Variants in AGL observed in about 807,000 individuals in gnomAD.
AGL encodes the protein amylo-alpha-1,6-glucosidase and 4-alpha-glucanotransferase, also known as glycogen debranching enzyme.
In AGL, 128 loss-of-function variants were observed where a neutral mutation model predicts 199.3. The ratio of observed to expected loss-of-function variants is 0.64; its 90% CI spans 0.56 to 0.74. The LOEUF is 0.74. Ranked by LOEUF, AGL falls within the 30% of genes least tolerant of loss-of-function variation. AGL has a pLI of 0.00. For missense variants in AGL, 1,809 were observed against 1,820.8 expected (o/e 0.99, Z 0.12); for synonymous variants, 584 against 594.7 (o/e 0.98, Z 0.26).
chr1:99,887,985 T>TCC lies in AGL; in HGVS notation c.2690_2691dup (p.Arg898ProfsTer3), dbSNP rs1652577586. On this transcript the variant is annotated frameshift_variant, in exon 21 of 34. Coordinates refer to ENST00000361915, the MANE Select transcript of AGL (RefSeq NM_000642.3). LOFTEE classifies it high-confidence loss of function. ...TTATTTTCCAATTCTTAGTCTTGCC[T>TCC]CCAGATTAACTTTGGCTGAGCTAAA... The TCC allele has an allele frequency of 6.2e-7, 1 of 1,613,382 alleles. No individual in the cohort carries two copies. The highest frequency in any genetic ancestry group is 8.5e-7 in the Non-Finnish European group (1 of 1,179,528).
At chr1:99,860,637 G>A (rs963770357) in intron 2 of AGL, among the ~76,000 whole-genome samples, 2 of 152,128 alleles carry the variant, frequency 1.3e-5, no homozygotes, top group Admixed American at 1.3e-4. Flanking sequence ...CCTAACTTGG[G>A]CAAAAGTAGA....
chr1:99,850,764 C>T, intron 1 of AGL: 1 of 422,632 alleles, frequency 2.4e-6, no homozygotes, highest in Non-Finnish European at 4.3e-6. Flanking sequence ...ATCTGTAATA[C>T]AGCATTTTTA....
chr1:99,853,191 A>G (rs1354354429), intron 2 of AGL, among the ~76,000 whole-genome samples: 1 of 152,196 alleles, frequency 6.6e-6, no homozygotes, highest in African/African-American at 2.4e-5. Flanking sequence ...AATCAAATTT[A>G]AATACCTCTG....
chr1:99,874,511 G>A (rs952151395), intron 7 of AGL, 176 bp from the exon 8 acceptor site: 12 of 625,610 alleles, frequency 1.9e-5, no homozygotes, highest in East Asian at 2.9e-5. Flanking sequence ...GTGCACGCAC[G>A]TGCACACACG....
intron 33 of AGL, among the ~76,000 whole-genome samples, chr1:99,917,915 A>G (rs1655251008): frequency 1.3e-5 from 2 of 152,140 alleles, no homozygotes; most frequent in African/African-American, 4.8e-5. Context: ...TTAGGCAGTC[A>G]GTTATGTTTT....
At chr1:99,880,238 A>T (rs1651902608) in intron 13 of AGL, among the ~76,000 whole-genome samples, 192 bp downstream of exon 13, 1 of 152,224 alleles carries the variant, frequency 6.6e-6, no homozygotes, top group Admixed American at 6.5e-5. Context: ...TTGGGGTAAG[A>T]TACCTCATTT....
At chr1:99,897,434 A>G (rs542501135) in intron 25 of AGL, among the ~76,000 whole-genome samples, 2 of 152,344 alleles carry the variant, frequency 1.3e-5, no homozygotes, top group East Asian at 3.9e-4. Flanking sequence ...CATTTATACG[A>G]TACCTTGTTT....
Position 99,880,088 on chromosome 1 carries a change from T to C in AGL, c.1735+42T>C, listed in dbSNP as rs1651888952. The C allele has an allele frequency of 2.5e-6, 4 of 1,611,764 alleles. No individual in the cohort carries two copies. In the African/African-American group the frequency reaches 5.3e-5, roughly 22 times the overall value. On this transcript the variant is annotated intron_variant, in intron 13 of 33. Coordinates refer to ENST00000361915, the MANE Select transcript of AGL (RefSeq NM_000642.3). ...GTATTTCCCTCTAAAACTTTAGCTTTTGTTTAAGTAGATTAAAGGATTTAA... is the reference window on the plus strand; with the variant it reads ...GTATTTCCCTCTAAAACTTTAGCTTCTGTTTAAGTAGATTAAAGGATTTAA...
chr1:99,867,753 G>A (rs905957204), intron 5 of AGL, among the ~76,000 whole-genome samples: 8 of 151,810 alleles, frequency 5.3e-5, no homozygotes, highest in African/African-American at 1.7e-4. Flanking sequence ...TTGGAGTCCC[G>A]CCATATTGGC....
rs367771906 is a variant in AGL at position 99,869,026 on chromosome 1, A to G, written c.665-1374A>G. ...AATTTTGTAGAGATGAGGTCTCACT[A>G]TGTTGCCCAGGCTGTCTCCAGCTCC... On this transcript the variant is annotated intron_variant, in intron 5 of 33. Transcript: ENST00000361915. Among the ~76,000 whole-genome samples the G allele has an allele frequency of 1.1e-4, 17 of 151,964 alleles. No homozygotes were observed. The East Asian group carries it at 1.6e-3, about 14-fold the overall frequency.
chr1:99,915,352 C>A (rs748982973), intron 30 of AGL, 37 bp from the exon 31 acceptor site: 1 of 1,518,922 alleles, frequency 6.6e-7, no homozygotes, highest in Non-Finnish European at 9.1e-7. Context: ...CTTCTGTGAT[C>A]TTAAAAATTT....
In AGL at chr1:99,881,541, G is replaced by A; in HGVS notation, c.2158G>A (p.Val720Met). The change falls in exon 17 of 34, where the codon GTG becomes ATG. Residue 720 changes from valine to methionine, a missense_variant and splice_region_variant. Coordinates refer to ENST00000361915, the MANE Select transcript of AGL (RefSeq NM_000642.3). ...QELGAKGFIQ[V>M]YVDQVDEDIV... ...TCTAGTTGTTCTTTCTGCTTCTCAG[G>A]TGTATGTGGATCAAGTTGATGAAGA... 1.9e-6 allele frequency: 3 copies of A among 1,613,894 alleles called. No individual in the cohort carries two copies. The highest frequency in any genetic ancestry group is 2.5e-6 in the Non-Finnish European group (3 of 1,179,926).
At chr1:99,873,187 A>G (rs575479234) in intron 7 of AGL, among the ~76,000 whole-genome samples, 60 of 152,190 alleles carry the variant, frequency 3.9e-4, no homozygotes, top group Middle Eastern at 3.4e-3. Flanking sequence ...ATTTTTGTGT[A>G]TTATATAAAG....
intron 2 of AGL, among the ~76,000 whole-genome samples, chr1:99,856,577 C>G (rs1338159578): frequency 6.6e-6 from 1 of 151,898 alleles, no homozygotes; most frequent in African/African-American, 2.4e-5. Flanking sequence ...TTTTCCTAGG[C>G]AAAGGACCCT....
chr1:99,913,427 G>A, intron 29 of AGL, 100 bp from the exon 30 acceptor site: 6 of 996,436 alleles, frequency 6.0e-6, no homozygotes, highest in Admixed American at 2.1e-5. Context: ...TTATTGCCTT[G>A]TAGTAGATAA....
chr1:99,901,748 T>G (rs193045128), intron 26 of AGL, among the ~76,000 whole-genome samples: 9 of 151,334 alleles, frequency 5.9e-5, no homozygotes, highest in South Asian at 2.1e-4. Context: ...GTTAATAGTT[T>G]GTTATATATG....
chr1:99,856,253 C>T (rs369366970), intron 2 of AGL, among the ~76,000 whole-genome samples: 22 of 151,304 alleles, frequency 1.5e-4, no homozygotes, highest in African/African-American at 4.6e-4. Context: ...TTGGGGTATG[C>T]GCTGATATAT....
chr1:99,900,766 T>C lies in AGL; in HGVS notation c.3493T>C (p.Cys1165Arg). ...WWWLQCIQDY[C>R]KMVPNGLDIL... ...GTGGCTGCAGTGTATCCAGGATTAC[T>C]GTAAAATGGTTCCAAATGGTCTAGA... The change falls in exon 26 of 34, where the codon TGT becomes CGT. Residue 1165 changes from cysteine (C) to arginine (R), a missense_variant. Cys to Arg is a radical substitution (Grantham distance 180). Coordinates refer to ENST00000361915, the MANE Select transcript of AGL (RefSeq NM_000642.3). 6.2e-7 allele frequency: 1 copy of C among 1,614,140 alleles called. No individual in the cohort carries two copies. The highest frequency in any genetic ancestry group is 8.5e-7 in the Non-Finnish European group (1 of 1,180,000).
chr1:99,855,931 T>C (rs1049181689), intron 2 of AGL, among the ~76,000 whole-genome samples: 4 of 152,268 alleles, frequency 2.6e-5, no homozygotes, highest in Non-Finnish European at 4.4e-5. Flanking sequence ...AAAGGTTCTT[T>C]GATTAGAAGA....
Sources: allele counts gnomAD v4.1 joint callset (sites outside exome capture counted in the v4.1 genomes callset), GRCh38; gene constraint gnomAD v4.1.1; transcripts MANE v1.5; gene names NCBI Gene and HGNC (gene_info 2026-07-23, HGNC 2026-07-21).